The following SNX4 variants were observed in gnomAD, a reference collection of about 807,000 sequenced individuals.
SNX4 encodes the protein sorting nexin-4.
A neutral mutation model predicts 70.8 loss-of-function variants in SNX4; 49 were observed. The observed-to-expected ratio is 0.69, with a 90% confidence interval of 0.55 to 0.88. The LOEUF is 0.88. SNX4 is among the 40% of genes least tolerant of loss of function. SNX4 has a pLI of 0.00. For missense variants in SNX4, 528 were observed against 544.8 expected, an observed-to-expected ratio of 0.97 and a Z score of 0.31; for synonymous variants, 206 against 183.8, an observed-to-expected ratio of 1.12 and a Z score of -0.98.
At chr3:125,480,435 C>T (rs970315980) in intron 6 of SNX4, 116 bp from the exon 7 acceptor site, 2 of 448,072 alleles carry the variant, frequency 4.5e-6, no homozygotes, top group Non-Finnish European at 7.8e-6. Flanking sequence ...TAACCATATG[C>T]TGGCCTTAAA....
Position 125,520,180 on chromosome 3 carries a change from G to A in SNX4, c.-8C>T. The A allele has an allele frequency of 7.4e-7, 1 of 1,359,778 alleles. No individual in the cohort carries two copies. The highest frequency in any genetic ancestry group is 9.5e-7 in the Non-Finnish European group (1 of 1,058,118). The allele number at this position is 1,359,778 out of a possible 1,614,324, so 84.2% of individuals were successfully genotyped here. A position where few individuals can be genotyped will look rare whatever the true frequency, so the allele number is the denominator to read the frequency against. The stretch of plus-strand genomic sequence containing the variant: ...CGGAGGTGCCTGCTCCATGGCTGCA[G>A]TTCGGCGCGGCGAACCCAGTGCGCC... On this transcript the variant is annotated 5_prime_UTR_variant, in exon 1 of 14. Coordinates refer to ENST00000251775, the MANE Select transcript of SNX4 (RefSeq NM_003794.4).
intron 1 of SNX4, among the ~76,000 whole-genome samples, chr3:125,508,986 A>T (rs954824323): frequency 6.6e-6 from 1 of 152,174 alleles, no homozygotes; most frequent in African/African-American, 2.4e-5. Flanking sequence ...GCAGTAAAAG[A>T]AAAAATTGGC....
chr3:125,519,914 TG>T, intron 1 of SNX4, 117 bp downstream of exon 1: 4 of 960,370 alleles, frequency 4.2e-6, no homozygotes, highest in South Asian at 2.2e-5. Flanking sequence ...CCCTCACTGC[TG>T]GGCCTCCTCG....
At chr3:125,460,590 G>T (rs1933853412) in intron 10 of SNX4, among the ~76,000 whole-genome samples, 181 bp downstream of exon 10, 1 of 152,194 alleles carries the variant, frequency 6.6e-6, no homozygotes, top group Non-Finnish European at 1.5e-5. Flanking sequence ...TCGAGGGCAG[G>T]CCTCATCTTA....
chr3:125,510,049 G>A (rs899966821), intron 1 of SNX4, among the ~76,000 whole-genome samples: 3 of 152,038 alleles, frequency 2.0e-5, no homozygotes, highest in African/African-American at 7.2e-5. Context: ...ACAGTACAGT[G>A]GTGCCTCAAA....
chr3:125,465,660 T>G (rs1933993188), intron 9 of SNX4, among the ~76,000 whole-genome samples: 1 of 151,792 alleles, frequency 6.6e-6, no homozygotes, highest in Admixed American at 6.6e-5. Flanking sequence ...TTTATTTTTT[T>G]GAGACAAAGT....
At chr3:125,488,142 G>A (rs1579995625) in intron 6 of SNX4, among the ~76,000 whole-genome samples, 2 of 122,138 alleles carry the variant, frequency 1.6e-5, no homozygotes, top group African/African-American at 6.4e-5. Context: ...TACTAAACCT[G>A]TAACTGCTGT....
intron 1 of SNX4, among the ~76,000 whole-genome samples, chr3:125,518,023 A>G (rs1241864833): frequency 6.6e-6 from 1 of 152,200 alleles, no homozygotes; most frequent in Non-Finnish European, 1.5e-5. Context: ...ACTACAACTT[A>G]TACTGCATGA....
chr3:125,452,909 G>A (rs1360377772), intron 12 of SNX4, among the ~76,000 whole-genome samples: 3 of 152,020 alleles, frequency 2.0e-5, no homozygotes, highest in South Asian at 2.1e-4. Context: ...GAGCTACCGC[G>A]CCCGGCCTGT....
rs150498834 is a variant in SNX4 at position 125,487,029 on chromosome 3, G to A, written c.653+2379C>T. On this transcript the variant is annotated intron_variant, in intron 6 of 13. Transcript: ENST00000251775. ...TCACTTGCTCTTAACAGTCTAGTTT[G>A]AGGAAAGATAAACATGAATGAAGCG... Among the ~76,000 whole-genome samples, 341 of 152,254 alleles carry A rather than the reference G, an allele frequency of 2.2e-3. 1 individual carries two copies. The highest frequency in any genetic ancestry group is 8.0e-3 in the African/African-American group (332 of 41,534).
chr3:125,462,459 G>A (rs1200480397), intron 9 of SNX4, among the ~76,000 whole-genome samples: 2 of 151,926 alleles, frequency 1.3e-5, no homozygotes, highest in Non-Finnish European at 2.9e-5. Context: ...ACATGGTAGT[G>A]CATGCCTATA....
chr3:125,461,835 G>C (rs1490873819), intron 9 of SNX4, among the ~76,000 whole-genome samples: 1 of 151,358 alleles, frequency 6.6e-6, no homozygotes, highest in Non-Finnish European at 1.5e-5. Context: ...TTAATTTTTT[G>C]TATTTTTAGT....
chr3:125,502,459 A>G (rs1234646492), intron 2 of SNX4, among the ~76,000 whole-genome samples: 1 of 151,964 alleles, frequency 6.6e-6, no homozygotes, highest in African/African-American at 2.4e-5. Context: ...TTAAACTTTT[A>G]TTTTAGGCAG....
intron 2 of SNX4, among the ~76,000 whole-genome samples, chr3:125,503,904 T>C (rs1303830413): frequency 1.4e-5 from 2 of 138,332 alleles, no homozygotes; most frequent in African/African-American, 6.3e-5. Flanking sequence ...CATTAAAAGA[T>C]AAAGACACAG....
intron 1 of SNX4, among the ~76,000 whole-genome samples, chr3:125,517,707 G>A (rs1935312298): frequency 6.6e-6 from 1 of 152,212 alleles, no homozygotes; most frequent in Admixed American, 6.5e-5. Flanking sequence ...CGAGGGCAGT[G>A]GCTCATGTCT....
chr3:125,453,910 CA>C lies in SNX4; in HGVS notation c.1089del (p.Phe363LeufsTer13). The C allele has an allele frequency of 6.2e-7, 1 of 1,613,878 alleles. No homozygotes were observed. Among genetic ancestry groups the C allele is most frequent in the Non-Finnish European group, 8.5e-7 (1 of 1,179,922 alleles). ...TCTCTCTGCTCTGGAGTTTCTTGAC[CA>C]AAGAGCTTGGTAGTCATTCCCTTCA... ...FSLKGMTTKL[F>X]GQETPEQREA... On this transcript the variant is annotated frameshift_variant, in exon 12 of 14. Coordinates refer to ENST00000251775, the MANE Select transcript of SNX4 (RefSeq NM_003794.4). LOFTEE classifies it high-confidence loss of function.
At chr3:125,470,958 G>C (rs892421298) in intron 8 of SNX4, among the ~76,000 whole-genome samples, 3 of 152,198 alleles carry the variant, frequency 2.0e-5, no homozygotes, top group African/African-American at 7.2e-5. Context: ...CAGCTGATCA[G>C]AGACAGAGCT....
At chr3:125,476,245 G>A (rs113211646) in intron 8 of SNX4, among the ~76,000 whole-genome samples, 25,819 of 128,176 alleles carry the variant, frequency 0.2, 2,410 homozygotes, top group Middle Eastern at 0.3. Flanking sequence ...CAGCCTGGGC[G>A]ACAGAGCAAG....
intron 6 of SNX4, among the ~76,000 whole-genome samples, 167 bp from the exon 7 acceptor site, chr3:125,480,486 AATG>A (rs1281531070): frequency 6.6e-6 from 1 of 152,182 alleles, no homozygotes; most frequent in Non-Finnish European, 1.5e-5. Context: ...TCTAAAATAA[AATG>A]ATATTTTCTG....
Sources: allele counts gnomAD v4.1 joint callset (sites outside exome capture counted in the v4.1 genomes callset), GRCh38; gene constraint gnomAD v4.1.1; transcripts MANE v1.5; gene names NCBI Gene and HGNC (gene_info 2026-07-23, HGNC 2026-07-21).